Variants in BRWD1 observed in about 807,000 individuals in gnomAD.
BRWD1 encodes the protein bromodomain and WD repeat domain containing 1.
In BRWD1, 82 loss-of-function variants were observed where a neutral mutation model predicts 251.2. The observed-to-expected ratio is 0.33, with a 90% CI of 0.27 to 0.39. The LOEUF is 0.39. Among genes scored for constraint, BRWD1 ranks in the 10% least tolerant of loss-of-function variants. BRWD1 has a pLI of 1.00. For synonymous variants in BRWD1, 918 were observed against 902.8 expected, an observed-to-expected ratio of 1.02 and a Z score of -0.30; for missense variants, 2,233 against 2,711.6, an observed-to-expected ratio of 0.82 and a Z score of 3.92.
At chr21:39,280,422 T>A (rs1379924416) in intron 8 of BRWD1, among the ~76,000 whole-genome samples, 174 bp from the exon 9 acceptor site, 1 of 152,194 alleles carries the variant, frequency 6.6e-6, no homozygotes, top group Non-Finnish European at 1.5e-5. Flanking sequence ...TTCATTTATA[T>A]GTAATATGAT....
intron 8 of BRWD1, among the ~76,000 whole-genome samples, chr21:39,288,878 T>C (rs1601469227): frequency 6.6e-6 from 1 of 152,058 alleles, no homozygotes; most frequent in East Asian, 1.9e-4. Flanking sequence ...ATCTCAGGGG[T>C]GACAGAGGTG....
At chr21:39,215,127 C>A in intron 32 of BRWD1, 110 bp downstream of exon 32, 1 of 1,153,772 alleles carries the variant, frequency 8.7e-7, no homozygotes, top group Non-Finnish European at 1.2e-6. Context: ...GCCTTCACTT[C>A]CCAAAGTGCT....
chr21:39,279,834 C>A (rs1227090923), intron 9 of BRWD1, among the ~76,000 whole-genome samples: 1 of 152,126 alleles, frequency 6.6e-6, no homozygotes, highest in Admixed American at 6.6e-5. Flanking sequence ...GTATACAATA[C>A]AGGTCTTATG....
intron 21 of BRWD1, among the ~76,000 whole-genome samples, chr21:39,245,352 A>G (rs149827342): frequency 2.8e-3 from 434 of 152,332 alleles, no homozygotes; most frequent in African/African-American, 0.01. Flanking sequence ...ATTAATTCTC[A>G]CCACACCTCT....
At chr21:39,212,638 C>A in intron 34 of BRWD1, 28 bp downstream of exon 34, 1 of 1,508,976 alleles carries the variant, frequency 6.6e-7, no homozygotes, top group South Asian at 1.2e-5. Context: ...AAAGAAACTA[C>A]AAAAGTCAAC....
At chr21:39,241,507 A>G (rs1220532317) in intron 21 of BRWD1, among the ~76,000 whole-genome samples, 1 of 115,814 alleles carries the variant, frequency 8.6e-6, no homozygotes, top group South Asian at 2.8e-4. Context: ...AAAAAAAAAA[A>G]AAAAAAAAGA....
chr21:39,283,532 T>C (rs80148755), intron 8 of BRWD1, among the ~76,000 whole-genome samples: 37 of 152,364 alleles, frequency 2.4e-4, no homozygotes, highest in African/African-American at 7.2e-4. Context: ...TACTTCTTTA[T>C]TGCTGGTGTA....
Position 39,218,500 on chromosome 21 carries a change from C to A in BRWD1, c.3538+5G>T. On this transcript the variant is annotated splice_donor_5th_base_variant and intron_variant, in intron 30 of 40. Coordinates refer to ENST00000342449, the MANE Select transcript of BRWD1 (RefSeq NM_033656.4). Reference sequence around the variant, plus strand: ...ACTTTTCATCCTAAAAAATAAAAAACTTACCAAGATTCAAAAGTTGATCTA... The same window carrying A: ...ACTTTTCATCCTAAAAAATAAAAAAATTACCAAGATTCAAAAGTTGATCTA... 2 of 1,565,416 alleles carry A rather than the reference C, an allele frequency of 1.3e-6. No individual in the cohort carries two copies. Among genetic ancestry groups the A allele is most frequent in the Non-Finnish European group, 1.7e-6 (2 of 1,165,126 alleles).
At chr21:39,228,328 A>G (rs2033466357) in intron 27 of BRWD1, among the ~76,000 whole-genome samples, 172 bp downstream of exon 27, 1 of 152,164 alleles carries the variant, frequency 6.6e-6, no homozygotes, top group African/African-American at 2.4e-5. Flanking sequence ...GAAAGTCTGC[A>G]TAATCAGTAA....
intron 4 of BRWD1, among the ~76,000 whole-genome samples, chr21:39,310,637 A>T (rs943865928): frequency 6.6e-6 from 1 of 152,114 alleles, no homozygotes; most frequent in Non-Finnish European, 1.5e-5. Flanking sequence ...AAATTTGATG[A>T]TATACAGCGG....
rs2031967199 is a variant in BRWD1 at position 39,198,985 on chromosome 21, T to C, written c.5431A>G (p.Ser1811Gly). The change falls in exon 40 of 41, where the codon AGT (serine) becomes GGT (glycine). Residue 1811 changes from serine to glycine, a missense_variant. This residue lies in a region of BRWD1 where 928 missense variants were observed against 970.0 expected (regional missense o/e 0.96). Coordinates refer to ENST00000342449, the MANE Select transcript of BRWD1 (RefSeq NM_033656.4). ...AGAATCTTGGTTTTTTTAAAGAAAC[T>C]CGCATTCTTGTGAAATGTATTGTAT... ...RKYNTFHKNA[S>G]FFKKTKILSD... The C allele has an allele frequency of 2.5e-6, 4 of 1,613,974 alleles. No individual in the cohort carries two copies. The Admixed American group carries it at 5.0e-5, about 20-fold the overall frequency.
In BRWD1 at chr21:39,187,126, T is replaced by TCATCC; in HGVS notation, c.*9128_*9132dup. 6.2e-7 allele frequency: 1 copy of TCATCC among 1,612,746 alleles called. No homozygotes were observed. Among genetic ancestry groups the TCATCC allele is most frequent in the South Asian group, 1.1e-5 (1 of 90,522 alleles). On this transcript the variant is annotated 3_prime_UTR_variant, in exon 41 of 41. Transcript: ENST00000342449. ...TTCACTTTCAGAATTTATGGTTGTATCATCCTCTTTATAAACATTCAGTAA... is the reference window on the plus strand; with the variant it reads ...TTCACTTTCAGAATTTATGGTTGTATCATCCCATCCTCTTTATAAACATTCAGTAA...
intron 37 of BRWD1, among the ~76,000 whole-genome samples, chr21:39,204,793 G>A (rs1339218846): frequency 6.6e-6 from 1 of 152,106 alleles, no homozygotes; most frequent in African/African-American, 2.4e-5. Flanking sequence ...CACACAACCT[G>A]GATCCCTCGC....
chr21:39,249,779 T>C (rs940459096), intron 20 of BRWD1, among the ~76,000 whole-genome samples: 6 of 152,166 alleles, frequency 3.9e-5, no homozygotes, highest in African/African-American at 1.2e-4. Flanking sequence ...TAGGTTAACA[T>C]GTAGGTGGGC....
chr21:39,296,367 T>TA lies in BRWD1; in HGVS notation c.350-5dup. On this transcript the variant is annotated splice_polypyrimidine_tract_variant and splice_region_variant and intron_variant, in intron 5 of 40. Coordinates refer to ENST00000342449, the MANE Select transcript of BRWD1 (RefSeq NM_033656.4). The stretch of plus-strand genomic sequence containing the variant: ...TTCCAAACTGTGTGCCTGCAGTCTT[T>TA]AAAATGAATTTTAGATACACATAAA... 6.4e-7 allele frequency: 1 copy of TA among 1,558,052 alleles called. No homozygotes were observed. Among genetic ancestry groups the TA allele is most frequent in the Non-Finnish European group, 8.6e-7 (1 of 1,157,982 alleles).
chr21:39,222,808 C>T (rs2146529098), intron 29 of BRWD1, among the ~76,000 whole-genome samples: 1 of 152,210 alleles, frequency 6.6e-6, no homozygotes, highest in African/African-American at 2.4e-5. Context: ...ATAAATATAT[C>T]CCCATGGGAC....
intron 17 of BRWD1, among the ~76,000 whole-genome samples, chr21:39,261,862 T>C (rs144631751): frequency 3.1e-4 from 47 of 152,232 alleles, no homozygotes; most frequent in African/African-American, 1.0e-3. Flanking sequence ...ACCCATACCA[T>C]ATGAACATTT....
upstream of BRWD1, chr21:39,313,674 G>GGGAGGAAGT: frequency 7.2e-6 from 3 of 415,292 alleles, no homozygotes; most frequent in Non-Finnish European, 1.2e-5. Flanking sequence ...TCCTCCGCGG[G>GGGAGGAAGT]AGACGAAAAG....
Position 39,225,095 on chromosome 21 carries a change from T to C in BRWD1, c.3311A>G (p.Tyr1104Cys). 6.3e-7 allele frequency: 1 copy of C among 1,598,320 alleles called. No individual in the cohort carries two copies. Among genetic ancestry groups the C allele is most frequent in the Non-Finnish European group, 8.6e-7 (1 of 1,165,876 alleles). Residue 1104 changes from tyrosine (Y) to cysteine (C), a missense_variant, in exon 28 of 41, where the codon TAT becomes TGT. Around this residue, in one of 12 missense-constraint regions of BRWD1, gnomAD observed 139 missense variants for 272.8 expected, o/e 0.51. Transcript: ENST00000342449. Reference protein sequence around the residue: ...PQYPDSHFQCYIVRWDNTEIE... With the variant: ...PQYPDSHFQCCIVRWDNTEIE... ...TCATCTGTATACAAACCTAACAATA[T>C]AACACTGGAAATGACTATCAGGATA...
Sources: allele counts gnomAD v4.1 joint callset (sites outside exome capture counted in the v4.1 genomes callset), GRCh38; gene constraint gnomAD v4.1.1; regional missense constraint gnomAD v4.1.1; transcripts MANE v1.5; gene names NCBI Gene and HGNC (gene_info 2026-07-23, HGNC 2026-07-21).